The following IKBKB-DT variants were observed in gnomAD, a reference collection of about 807,000 sequenced individuals.
The protein encoded by IKBKB-DT is IKBKB divergent transcript.
At chr8:42,262,563 C>A (rs1162280210) in intron 3 of IKBKB-DT, among the ~76,000 whole-genome samples, 1 of 151,998 alleles carries the variant, frequency 6.6e-6, no homozygotes, top group East Asian at 1.9e-4. Context: ...CCTCAGCCTC[C>A]TGAGTAGCTG....
intron 3 of IKBKB-DT, chr8:42,255,260 C>A (rs559563599): frequency 2.0e-5 from 3 of 152,318 alleles, no homozygotes; most frequent in Non-Finnish European, 1.5e-5. Flanking sequence ...CTGTCTTCCC[C>A]AAGTTCGCAT....
intron 2 of IKBKB-DT, among the ~76,000 whole-genome samples, chr8:42,264,233 G>T (rs979603153): frequency 2.0e-5 from 3 of 151,550 alleles, no homozygotes; most frequent in Non-Finnish European, 4.4e-5. Flanking sequence ...ACAAGGTCTT[G>T]CTGGTCTCGA....
intron 3 of IKBKB-DT, among the ~76,000 whole-genome samples, chr8:42,246,884 T>C (rs1331201767): frequency 6.6e-6 from 1 of 152,034 alleles, no homozygotes; most frequent in African/African-American, 2.4e-5. Context: ...ATGAAATTGT[T>C]CCACCTCAGA....
intron 3 of IKBKB-DT, among the ~76,000 whole-genome samples, chr8:42,244,901 G>A (rs916666899): frequency 2.6e-5 from 4 of 152,188 alleles, no homozygotes; most frequent in Admixed American, 1.3e-4. Flanking sequence ...TAGTCTGAGA[G>A]CATGTAGTTG....
At chr8:42,255,975 G>A (rs570456190) in intron 3 of IKBKB-DT, among the ~76,000 whole-genome samples, 3 of 150,562 alleles carry the variant, frequency 2.0e-5, no homozygotes, top group East Asian at 4.0e-4. Context: ...GCAGTGAGCC[G>A]AGATTGCACC....
chr8:42,258,473 T>A (rs1444582693), intron 3 of IKBKB-DT, among the ~76,000 whole-genome samples: 4 of 151,644 alleles, frequency 2.6e-5, no homozygotes, highest in African/African-American at 7.3e-5. Context: ...TCTTTCTTTT[T>A]TTTTTTTTTG....
intron 3 of IKBKB-DT, among the ~76,000 whole-genome samples, chr8:42,237,155 C>T (rs564179500): frequency 2.0e-5 from 3 of 151,926 alleles, no homozygotes; most frequent in South Asian, 2.1e-4. Flanking sequence ...GGTACAATCT[C>T]GGCTTGCTGC....
chr8:42,259,188 A>G (rs1287524255), intron 3 of IKBKB-DT, among the ~76,000 whole-genome samples: 1 of 151,982 alleles, frequency 6.6e-6, no homozygotes, highest in Non-Finnish European at 1.5e-5. Flanking sequence ...ACCATGTCTG[A>G]CTAACTTTGT....
intron 3 of IKBKB-DT, among the ~76,000 whole-genome samples, chr8:42,257,924 A>G (rs1358038224): frequency 1.3e-5 from 2 of 151,160 alleles, no homozygotes; most frequent in African/African-American, 2.5e-5. Context: ...AAAGGTATAC[A>G]GTTTTCTTTT....
intron 3 of IKBKB-DT, among the ~76,000 whole-genome samples, chr8:42,252,522 C>A (rs939459696): frequency 6.6e-6 from 1 of 152,232 alleles, no homozygotes; most frequent in Non-Finnish European, 1.5e-5. Flanking sequence ...CGTGCCACCA[C>A]ACCCAGCTAA....
chr8:42,263,806 A>G (rs1807326621), intron 2 of IKBKB-DT, among the ~76,000 whole-genome samples: 1 of 151,636 alleles, frequency 6.6e-6, no homozygotes, highest in Non-Finnish European at 1.5e-5. Context: ...ACAAATGGAG[A>G]CGCGTTTTTT....
intron 3 of IKBKB-DT, among the ~76,000 whole-genome samples, chr8:42,247,813 C>T (rs780950246): frequency 5.3e-5 from 8 of 151,990 alleles, no homozygotes. Context: ...AAAGTGCCTG[C>T]GCTGGGTGCA....
chr8:42,263,796 A>G (rs535603028), intron 2 of IKBKB-DT, among the ~76,000 whole-genome samples: 1 of 152,186 alleles, frequency 6.6e-6, no homozygotes, highest in South Asian at 2.1e-4. Context: ...AGAAACCCTT[A>G]CAAATGGAGA....
chr8:42,239,313 C>T (rs575560959), intron 3 of IKBKB-DT, among the ~76,000 whole-genome samples: 173 of 151,958 alleles, frequency 1.1e-3, no homozygotes, highest in African/African-American at 3.8e-3. Context: ...GCCCTCATCC[C>T]GCTTCCCATC....
At chr8:42,239,975 T>G (rs1455720120) in intron 3 of IKBKB-DT, among the ~76,000 whole-genome samples, 1 of 152,116 alleles carries the variant, frequency 6.6e-6, no homozygotes, top group African/African-American at 2.4e-5. Flanking sequence ...AATACAAGAT[T>G]GTAAACTGAA....
chr8:42,238,635 A>G (rs1333582024), intron 3 of IKBKB-DT, among the ~76,000 whole-genome samples: 1 of 152,186 alleles, frequency 6.6e-6, no homozygotes, highest in African/African-American at 2.4e-5. Context: ...TGACTTCCCC[A>G]ATCACTTCTA....
chr8:42,256,870 G>C (rs1328293512), intron 3 of IKBKB-DT, among the ~76,000 whole-genome samples: 1 of 152,104 alleles, frequency 6.6e-6, no homozygotes, highest in Non-Finnish European at 1.5e-5. Flanking sequence ...AACCACATAA[G>C]CATGGTGGTT....
At chr8:42,243,292 T>C (rs1328299109) in intron 3 of IKBKB-DT, among the ~76,000 whole-genome samples, 1 of 152,180 alleles carries the variant, frequency 6.6e-6, no homozygotes, top group African/African-American at 2.4e-5. Context: ...CTCTGGAGCA[T>C]CTAAGCACAG....
chr8:42,266,999 T>G (rs981172511), intron 1 of IKBKB-DT, among the ~76,000 whole-genome samples: 4 of 137,416 alleles, frequency 2.9e-5, no homozygotes, highest in Non-Finnish European at 5.9e-5. Flanking sequence ...GTTTGTTTTT[T>G]TTTTGTTTTT....
Sources: gnomAD v4.1 joint callset for allele counts (sites outside exome capture counted in the v4.1 genomes callset) on GRCh38, gnomAD v4.1.1 for gene constraint, MANE v1.5 for transcripts, NCBI Gene and HGNC (gene_info 2026-07-23, HGNC 2026-07-21) for gene names.